HELQ: variants seen among roughly 807,000 people sequenced by gnomAD.
The protein encoded by HELQ is helicase, POLQ like.
HELQ carries 77 observed loss-of-function variants against 111.6 expected under a neutral mutation model. That is an observed-to-expected ratio of 0.69 (90% CI 0.57 to 0.83). The LOEUF (loss-of-function observed/expected upper bound fraction) is 0.83, where lower values mean the gene tolerates loss of function less well. HELQ is among the 40% of genes least tolerant of loss of function. HELQ has a pLI of 0.00. For missense variants in HELQ, 1,200 were observed against 1,288.5 expected, an observed-to-expected ratio of 0.93 and a Z score of 1.05; for synonymous variants, 438 against 454.7, an observed-to-expected ratio of 0.96 and a Z score of 0.47.
In HELQ at chr4:83,453,575, CA is replaced by C; in HGVS notation, c.667del (p.Trp223GlyfsTer9). The C allele has an allele frequency of 6.2e-7, 1 of 1,613,068 alleles. No individual in the cohort carries two copies. Among genetic ancestry groups the C allele is most frequent in the African/African-American group, 1.3e-5 (1 of 74,994 alleles). On this transcript the variant is annotated frameshift_variant, in exon 2 of 18. Transcript: ENST00000295488. LOFTEE classifies it high-confidence loss of function. ...CACAGTGTTGTGAGAGGATGACTTC[CA>C]ATCCCTTTCTTTCATAGAATGATCA... Reference protein sequence around the residue: ...LGDHSMKERDWKSSSHNTVNE... With the variant: ...LGDHSMKERDXKSSSHNTVNE...
chr4:83,410,823 C>T (rs1739045784), intron 17 of HELQ, among the ~76,000 whole-genome samples: 1 of 151,766 alleles, frequency 6.6e-6, no homozygotes, highest in African/African-American at 2.4e-5. Flanking sequence ...TCATGTGAAT[C>T]CTCCCCCTCA....
At chr4:83,450,303 T>A (rs1721287629) in intron 2 of HELQ, among the ~76,000 whole-genome samples, 1 of 140,382 alleles carries the variant, frequency 7.1e-6, no homozygotes, top group Admixed American at 7.7e-5. Flanking sequence ...TCCCAGCACT[T>A]TGGGAGCCTA....
At position 83,427,178 on chromosome 4, in the gene HELQ, CT is replaced by C. The variant is rs368677342; in HGVS notation, c.2676+384del. 2.2e-4 allele frequency among the ~76,000 whole-genome samples: 33 copies of C among 151,616 alleles called. 1 individual carries two copies. In the East Asian group the frequency reaches 5.8e-3, roughly 27 times the overall value. ...ATAGGACCACGGATAATCTTTTTTT[CT>C]TTTTTTTAACCTTTACTTTTTTCAA... is the stretch of plus-strand genomic sequence containing the variant. On this transcript the variant is annotated intron_variant, in intron 13 of 17. Coordinates refer to ENST00000295488, the MANE Select transcript of HELQ (RefSeq NM_133636.5).
intron 17 of HELQ, 152 bp downstream of exon 17, chr4:83,416,579 C>A (rs72652755): frequency 0.016 from 11,785 of 756,590 alleles, 129 homozygotes; most frequent in Non-Finnish European, 0.019. Context: ...ACAACAGATG[C>A]ATTATTTTTA....
At chr4:83,450,696 T>C (rs561801190) in intron 2 of HELQ, among the ~76,000 whole-genome samples, 3 of 148,052 alleles carry the variant, frequency 2.0e-5, no homozygotes, top group South Asian at 2.1e-4. Context: ...CCGGGTACAA[T>C]GGCTCATATC....
At chr4:83,428,330 C>T (rs1408836827) in intron 12 of HELQ, among the ~76,000 whole-genome samples, 1 of 150,348 alleles carries the variant, frequency 6.7e-6, no homozygotes, top group Admixed American at 6.7e-5. Flanking sequence ...TTTTTAACAA[C>T]AGACATGTAT....
intron 17 of HELQ, among the ~76,000 whole-genome samples, chr4:83,412,302 T>C (rs1197423322): frequency 6.6e-6 from 1 of 152,248 alleles, no homozygotes; most frequent in Non-Finnish European, 1.5e-5. Context: ...TGAAGGTGTA[T>C]CACTCACACT....
intron 11 of HELQ, among the ~76,000 whole-genome samples, chr4:83,430,901 G>C (rs751482446): frequency 1.3e-5 from 2 of 151,806 alleles, no homozygotes; most frequent in Non-Finnish European, 2.9e-5. Flanking sequence ...AGGGGGGCAG[G>C]GGAACCTTTA....
chr4:83,447,511 A>G (rs2110009483), intron 3 of HELQ, among the ~76,000 whole-genome samples: 1 of 152,334 alleles, frequency 6.6e-6, no homozygotes, highest in African/African-American at 2.4e-5. Context: ...TCTTTGCAAA[A>G]TAAATGCAAC....
intron 15 of HELQ, among the ~76,000 whole-genome samples, chr4:83,418,436 A>G (rs909434734): frequency 2.0e-5 from 3 of 152,218 alleles, no homozygotes; most frequent in African/African-American, 7.2e-5. Context: ...AAATTGAAAA[A>G]TAAGTCAATA....
intron 9 of HELQ, among the ~76,000 whole-genome samples, chr4:83,434,012 A>G (rs1720308907): frequency 6.6e-6 from 1 of 151,788 alleles, no homozygotes; most frequent in South Asian, 2.1e-4. Context: ...GACTATTATA[A>G]GGAAAGAACA....
intron 12 of HELQ, among the ~76,000 whole-genome samples, 193 bp downstream of exon 12, chr4:83,429,331 T>C (rs1720018265): frequency 6.6e-6 from 1 of 152,080 alleles, no homozygotes; most frequent in South Asian, 2.1e-4. Context: ...TGTATTTTAG[T>C]AGAGACAGGG....
chr4:83,419,988 A>AT (rs1328588922), intron 15 of HELQ, among the ~76,000 whole-genome samples: 1 of 152,172 alleles, frequency 6.6e-6, no homozygotes, highest in African/African-American at 2.4e-5. Flanking sequence ...AATGAAGTAA[A>AT]TTTTAAATTT....
intron 15 of HELQ, among the ~76,000 whole-genome samples, chr4:83,420,347 AT>A (rs1207754814): frequency 2.0e-5 from 3 of 152,218 alleles, no homozygotes; most frequent in African/African-American, 7.2e-5. Context: ...AATCAAGAGA[AT>A]ATGGGCCAGG....
At position 83,420,544 on chromosome 4, in the gene HELQ, C is replaced by T. The variant is rs372191237; in HGVS notation, c.2949+1019G>A. Among the ~76,000 whole-genome samples, 18 of 151,254 alleles carry T rather than the reference C, an allele frequency of 1.2e-4. 1 individual carries two copies. The highest frequency in any genetic ancestry group is 8.6e-4 in the Admixed American group (13 of 15,194). On this transcript the variant is annotated intron_variant, in intron 15 of 17. Coordinates refer to ENST00000295488, the MANE Select transcript of HELQ (RefSeq NM_133636.5). ...TCATGCCTGTAATCCCAACACTTTG[C>T]GAAGCCCAGGCAGGTGGATCACTTG...
intron 16 of HELQ, among the ~76,000 whole-genome samples, chr4:83,417,502 A>C: frequency 6.6e-6 from 1 of 152,090 alleles, no homozygotes; most frequent in Non-Finnish European, 1.5e-5. Context: ...TCATCAGGCC[A>C]AGTCCAATAT....
intron 9 of HELQ, among the ~76,000 whole-genome samples, chr4:83,433,418 A>C (rs1720261187): frequency 6.6e-6 from 1 of 152,164 alleles, no homozygotes; most frequent in Admixed American, 6.5e-5. Flanking sequence ...CTGTAATCCC[A>C]GCACTTTGAG....
In HELQ at chr4:83,436,941, C is replaced by G; in HGVS notation, c.1965G>C (p.Leu655Phe). The change falls in exon 9 of 18, where the codon TTG becomes TTC. Residue 655 changes from leucine (L) to phenylalanine (F), a missense_variant. Transcript: ENST00000295488. ...SGLTSDERKLLEEAYSTGVLC... is the reference protein window; with the variant it reads ...SGLTSDERKLFEEAYSTGVLC... ...GCACTCCTGTGGAGTAGGCCTCCTC[C>G]AAGAGTTTCCTTTCATCACTTGTTA... The G allele has an allele frequency of 6.2e-7, 1 of 1,614,194 alleles. No individual in the cohort carries two copies. Among genetic ancestry groups the G allele is most frequent in the Non-Finnish European group, 8.5e-7 (1 of 1,180,040 alleles).
chr4:83,452,749 G>A (rs896102032), intron 2 of HELQ, among the ~76,000 whole-genome samples: 1 of 152,154 alleles, frequency 6.6e-6, no homozygotes, highest in African/African-American at 2.4e-5. Context: ...TGAGAAGTCA[G>A]GTAAGGTAAA....
Sources: gnomAD v4.1 joint callset for allele counts (sites outside exome capture counted in the v4.1 genomes callset) on GRCh38, gnomAD v4.1.1 for gene constraint, MANE v1.5 for transcripts, NCBI Gene and HGNC (gene_info 2026-07-23, HGNC 2026-07-21) for gene names.